L3MBTL4: variants seen among roughly 807,000 people sequenced by gnomAD.
L3MBTL4 encodes the protein lethal(3)malignant brain tumor-like protein 4.
In L3MBTL4, 70 loss-of-function variants were observed where a neutral mutation model predicts 84.5. That is an observed-to-expected ratio of 0.83 (90% CI 0.68 to 1.01). The LOEUF (loss-of-function observed/expected upper bound fraction) is 1.01, where lower values mean the gene tolerates loss of function less well. Among genes scored for constraint, L3MBTL4 ranks in the 50% least tolerant of loss-of-function variants. The pLI is 0.00. For missense variants in L3MBTL4, 715 were observed against 754.8 expected, an observed-to-expected ratio of 0.95 and a Z score of 0.62; for synonymous variants, 274 against 259.8, an observed-to-expected ratio of 1.05 and a Z score of -0.52.
At chr18:6,351,478 C>T (rs746731984) in intron 1 of L3MBTL4, among the ~76,000 whole-genome samples, 4 of 152,046 alleles carry the variant, frequency 2.6e-5, no homozygotes, top group African/African-American at 4.8e-5. Flanking sequence ...GTGCTTAATG[C>T]CACTGAGTGA....
At chr18:6,321,244 A>C (rs1169865824) in intron 1 of L3MBTL4, among the ~76,000 whole-genome samples, 12 of 152,262 alleles carry the variant, frequency 7.9e-5, no homozygotes. Flanking sequence ...CTAATTAAAC[A>C]AAAAAGCTTC....
intron 14 of L3MBTL4, among the ~76,000 whole-genome samples, chr18:6,136,484 A>G (rs1435059435): frequency 6.6e-6 from 1 of 152,166 alleles, no homozygotes. Flanking sequence ...AAGATGGAAA[A>G]TTGAAAGTAT....
At chr18:6,326,581 T>C (rs144201879) in intron 1 of L3MBTL4, 1 of 152,332 alleles carries the variant, frequency 6.6e-6, no homozygotes, top group East Asian at 1.9e-4. Flanking sequence ...ACCCTAAGTC[T>C]TCTCTCATAA....
At chr18:6,406,672 A>G (rs907930356) in intron 1 of L3MBTL4, among the ~76,000 whole-genome samples, 4 of 152,336 alleles carry the variant, frequency 2.6e-5, no homozygotes, top group East Asian at 1.9e-4. Context: ...GGCAAGGAAC[A>G]CTGACTGCTG....
intron 4 of L3MBTL4, among the ~76,000 whole-genome samples, chr18:6,285,935 G>A (rs2049559283): frequency 6.6e-6 from 1 of 151,270 alleles, no homozygotes; most frequent in Non-Finnish European, 1.5e-5. Flanking sequence ...GGGTTCAAGC[G>A]ATTCTTCTGC....
At chr18:6,193,727 G>A (rs117887778) in intron 12 of L3MBTL4, among the ~76,000 whole-genome samples, 2,486 of 152,364 alleles carry the variant, frequency 0.016, 32 homozygotes, top group South Asian at 0.034. Context: ...TCAGTGGGGA[G>A]TGAGTGCCTG....
chr18:6,016,884 G>A (rs1480057360), intron 16 of L3MBTL4, among the ~76,000 whole-genome samples: 1 of 152,168 alleles, frequency 6.6e-6, no homozygotes, highest in African/African-American at 2.4e-5. Flanking sequence ...GAGAAAAGAC[G>A]CTGTGGAGAG....
chr18:6,052,780 T>C (rs1186440470), intron 16 of L3MBTL4, among the ~76,000 whole-genome samples: 2 of 152,216 alleles, frequency 1.3e-5, no homozygotes, highest in Non-Finnish European at 2.9e-5. Flanking sequence ...AGTGCGTTAG[T>C]AGGCTAATGG....
chr18:6,376,833 T>C (rs756978365), intron 1 of L3MBTL4, among the ~76,000 whole-genome samples: 24 of 152,208 alleles, frequency 1.6e-4, no homozygotes, highest in Non-Finnish European at 3.4e-4. Context: ...TGCTAATAGC[T>C]TATCATATCT....
At chr18:6,018,490 T>C (rs1263358465) in intron 16 of L3MBTL4, among the ~76,000 whole-genome samples, 2 of 152,154 alleles carry the variant, frequency 1.3e-5, no homozygotes, top group Non-Finnish European at 2.9e-5. Flanking sequence ...CCTGGTAGAT[T>C]CTAGAATGGC....
intron 16 of L3MBTL4, among the ~76,000 whole-genome samples, chr18:6,041,252 C>T (rs1400379604): frequency 6.6e-6 from 1 of 152,212 alleles, no homozygotes; most frequent in African/African-American, 2.4e-5. Context: ...GTGGAGCCAG[C>T]CGCTTCTGGA....
intron 3 of L3MBTL4, among the ~76,000 whole-genome samples, chr18:6,307,029 C>T (rs1230538719): frequency 6.6e-6 from 1 of 152,158 alleles, no homozygotes; most frequent in Non-Finnish European, 1.5e-5. Flanking sequence ...TCTCTTCCAA[C>T]CCCATACCTT....
At chr18:6,161,674 T>C (rs1454172941) in intron 13 of L3MBTL4, among the ~76,000 whole-genome samples, 1 of 152,180 alleles carries the variant, frequency 6.6e-6, no homozygotes, top group Non-Finnish European at 1.5e-5. Flanking sequence ...TTTTCACCTC[T>C]AGAGAGGCTG....
chr18:6,211,594 A>G (rs963841049), intron 12 of L3MBTL4, among the ~76,000 whole-genome samples: 2 of 152,222 alleles, frequency 1.3e-5, no homozygotes, highest in African/African-American at 2.4e-5. Context: ...GTCAACTAAA[A>G]ATCTAAGTCA....
chr18:6,236,782 T>C (rs1046124336), intron 10 of L3MBTL4, among the ~76,000 whole-genome samples: 1 of 152,252 alleles, frequency 6.6e-6, no homozygotes, highest in African/African-American at 2.4e-5. Flanking sequence ...GAATAATTTG[T>C]GATTTTGATT....
At chr18:6,288,543 C>A (rs185092581) in intron 4 of L3MBTL4, among the ~76,000 whole-genome samples, 2 of 152,116 alleles carry the variant, frequency 1.3e-5, no homozygotes, top group Admixed American at 6.5e-5. Context: ...ATGAACCCAG[C>A]CTAAAACAAA....
chr18:6,277,635 C>A (rs2049145540), intron 4 of L3MBTL4, among the ~76,000 whole-genome samples: 1 of 152,108 alleles, frequency 6.6e-6, no homozygotes, highest in Non-Finnish European at 1.5e-5. Context: ...GTATAGCTTT[C>A]CATTTATTCA....
chr18:6,371,965 T>C (rs1256629648), intron 1 of L3MBTL4, among the ~76,000 whole-genome samples: 2 of 152,168 alleles, frequency 1.3e-5, no homozygotes, highest in East Asian at 1.9e-4. Context: ...AGAAGATACA[T>C]GTCACAACTC....
At chr18:6,264,423 T>C (rs941058023) in intron 4 of L3MBTL4, among the ~76,000 whole-genome samples, 2 of 152,230 alleles carry the variant, frequency 1.3e-5, no homozygotes, top group Non-Finnish European at 2.9e-5. Flanking sequence ...TTCATACTTC[T>C]TTTTGCTGTG....
Sources: gnomAD v4.1 joint callset for allele counts (sites outside exome capture counted in the v4.1 genomes callset) on GRCh38, gnomAD v4.1.1 for gene constraint, MANE v1.5 for transcripts, NCBI Gene and HGNC (gene_info 2026-07-23, HGNC 2026-07-21) for gene names.